KIAA1671: variants seen among roughly 807,000 people sequenced by gnomAD.
KIAA1671 encodes uncharacterized protein KIAA1671.
A neutral mutation model predicts 131.2 loss-of-function variants in KIAA1671; 52 were observed. The observed-to-expected ratio is 0.40, with a 90% CI of 0.32 to 0.50. KIAA1671 has a LOEUF of 0.50. KIAA1671 is among the 20% of genes least tolerant of loss of function. The pLI, the probability that KIAA1671 is intolerant of heterozygous loss-of-function variation, is 0.73. For missense variants in KIAA1671, 2,360 were observed against 2,364.2 expected (o/e 1.00, Z 0.04); for synonymous variants, 1,003 against 961.6 (o/e 1.04, Z -0.80).
intron 6 of KIAA1671, among the ~76,000 whole-genome samples, chr22:25,147,477 G>A (rs1041258459): frequency 3.9e-5 from 6 of 152,154 alleles, no homozygotes; most frequent in African/African-American, 1.4e-4. Context: ...GTAGGTGTGA[G>A]CCACCGCACC....
intron 10 of KIAA1671, among the ~76,000 whole-genome samples, chr22:25,182,604 T>C (rs1934332223): frequency 2.6e-5 from 4 of 152,200 alleles, no homozygotes; most frequent in Admixed American, 2.6e-4. Flanking sequence ...GCTTCTACCA[T>C]TAACAATACT....
At chr22:24,953,471 C>A (rs1378681679) in intron 1 of KIAA1671, among the ~76,000 whole-genome samples, 2 of 152,020 alleles carry the variant, frequency 1.3e-5, no homozygotes, top group East Asian at 1.9e-4. Context: ...GCTCCGGACA[C>A]GTCCTCTCGG....
At chr22:25,153,010 T>C (rs1933100804) in intron 6 of KIAA1671, among the ~76,000 whole-genome samples, 1 of 152,338 alleles carries the variant, frequency 6.6e-6, no homozygotes, top group Middle Eastern at 3.4e-3. Context: ...GTTGTCCTAC[T>C]CACATGTTCA....
Position 25,039,314 on chromosome 22 carries a change from A to T in KIAA1671, c.2184A>T (p.Arg728Ser), listed in dbSNP as rs1372573070. The T allele has an allele frequency of 1.9e-6, 3 of 1,552,020 alleles. No individual in the cohort carries two copies. The African/African-American group carries it at 4.1e-5, about 21-fold the overall frequency. Residue 728 changes from arginine to serine, a missense_variant, in exon 5 of 13, where the codon AGA (arginine) becomes AGT (serine). Physicochemically the swap from Arg to Ser is moderately radical, Grantham distance 110. This residue lies in a region of KIAA1671 where 1,185 missense variants were observed against 1,126.2 expected (regional missense o/e 1.05). Coordinates refer to ENST00000358431, the MANE Select transcript of KIAA1671 (RefSeq NM_001145206.2). ...KHLENPPTSQRIEPRYDIVHA... is the reference protein window; with the variant it reads ...KHLENPPTSQSIEPRYDIVHA... ...TGGAAAATCCTCCCACATCGCAGAGAATTGAGCCCAGATATGACATTGTGC... is the reference window on the plus strand; with the variant it reads ...TGGAAAATCCTCCCACATCGCAGAGTATTGAGCCCAGATATGACATTGTGC...
chr22:25,167,397 T>C (rs1047522054), intron 6 of KIAA1671, among the ~76,000 whole-genome samples: 1 of 152,170 alleles, frequency 6.6e-6, no homozygotes, highest in Non-Finnish European at 1.5e-5. Context: ...GTCATATTAT[T>C]GATTATAGTG....
At chr22:25,136,837 A>G (rs554777587) in intron 6 of KIAA1671, among the ~76,000 whole-genome samples, 1 of 152,326 alleles carries the variant, frequency 6.6e-6, no homozygotes, top group African/African-American at 2.4e-5. Flanking sequence ...TTAAAAACCA[A>G]AGAGAAACTT....
intron 7 of KIAA1671, among the ~76,000 whole-genome samples, chr22:25,173,552 T>C (rs1933920619): frequency 6.6e-6 from 1 of 152,238 alleles, no homozygotes; most frequent in Non-Finnish European, 1.5e-5. Flanking sequence ...TTGATCCTTA[T>C]GCAATATATA....
chr22:24,989,602 G>A (rs1039006854), intron 1 of KIAA1671, among the ~76,000 whole-genome samples: 8 of 152,166 alleles, frequency 5.3e-5, no homozygotes, highest in African/African-American at 1.2e-4. Flanking sequence ...CAGGGCTCAG[G>A]GGGGATGCAC....
chr22:25,128,960 T>C (rs566254128), intron 6 of KIAA1671, among the ~76,000 whole-genome samples: 1 of 152,340 alleles, frequency 6.6e-6, no homozygotes, highest in South Asian at 2.1e-4. Context: ...GCATACCTGA[T>C]GTTGGACGTT....
chr22:24,981,308 C>T (rs1923224519), intron 1 of KIAA1671, among the ~76,000 whole-genome samples: 1 of 152,100 alleles, frequency 6.6e-6, no homozygotes, highest in Admixed American at 6.5e-5. Context: ...ACCCTGGTGC[C>T]CCCAAGGAGA....
intron 6 of KIAA1671, 84 bp downstream of exon 6, chr22:25,049,448 T>G (rs1161516536): frequency 6.8e-7 from 1 of 1,463,100 alleles, no homozygotes; most frequent in Admixed American, 2.1e-5. Context: ...GTGGAGCATC[T>G]GGACAGCCCA....
Position 25,028,379 on chromosome 22 carries a change from G to T in KIAA1671, c.380G>T (p.Ser127Ile). 1 of 1,550,864 alleles carries T rather than the reference G, an allele frequency of 6.4e-7. No homozygotes were observed. The highest frequency in any genetic ancestry group is 8.7e-7 in the Non-Finnish European group (1 of 1,146,900). ...GGCAGTGGGGAGGGCCCGAGGACGAGCTCGCCCCTCTTCAACAAGGCTGTG... is the reference window on the plus strand; with the variant it reads ...GGCAGTGGGGAGGGCCCGAGGACGATCTCGCCCCTCTTCAACAAGGCTGTG... ...EVGSGEGPRTSSPLFNKAVFL... is the reference protein window; with the variant it reads ...EVGSGEGPRTISPLFNKAVFL... The change falls in exon 3 of 13, where the codon AGC (serine) becomes ATC (isoleucine). Residue 127 changes from serine to isoleucine, a missense_variant. Ser to Ile is a moderately radical substitution (Grantham distance 142). Around this residue, in one of 3 missense-constraint regions of KIAA1671, gnomAD observed 1,185 missense variants for 1,126.2 expected, o/e 1.05. Transcript: ENST00000358431.
At chr22:24,966,046 C>A (rs1171914574) in intron 1 of KIAA1671, among the ~76,000 whole-genome samples, 2 of 152,178 alleles carry the variant, frequency 1.3e-5, no homozygotes, top group African/African-American at 2.4e-5. Flanking sequence ...GGTGAAACGC[C>A]TTGCTTCGCA....
rs1359080078 is a variant in KIAA1671 at position 25,029,473 on chromosome 22, G to A, written c.1474G>A (p.Glu492Lys). 4.5e-6 allele frequency: 7 copies of A among 1,551,074 alleles called. No homozygotes were observed. The highest frequency in any genetic ancestry group is 5.2e-6 in the Non-Finnish European group (6 of 1,146,792). Residue 492 changes from glutamate (E) to lysine (K), a missense_variant, in exon 3 of 13, where the codon GAG becomes AAG. Glu to Lys is a moderately conservative substitution (Grantham distance 56). Around this residue, in one of 3 missense-constraint regions of KIAA1671, gnomAD observed 1,185 missense variants for 1,126.2 expected, o/e 1.05. Coordinates refer to ENST00000358431, the MANE Select transcript of KIAA1671 (RefSeq NM_001145206.2). ...CAGAGGCTGGACTGCCGAGAGCTCA[G>A]AGGCTAAGCCCGAGGTCAGGAGGAG... The part of the protein sequence containing the change: ...RIRGWTAESS[E>K]AKPEVRRRTF...
rs972048744 is a variant in KIAA1671, at chr22:25,067,921, C to T, written c.4530+18557C>T. 1.5e-4 allele frequency among the ~76,000 whole-genome samples: 23 copies of T among 152,280 alleles called. 1 individual carries two copies. The highest frequency in any genetic ancestry group is 5.9e-5 in the Non-Finnish European group (4 of 68,050). On this transcript the variant is annotated intron_variant, in intron 6 of 12. Transcript: ENST00000358431. ...TAGCGGGGCCTAACCCCAGACTTGA[C>T]ACTCATCAGCCAGTCAGCCAGGACA...
intron 11 of KIAA1671, chr22:25,186,464 G>A (rs1415896793): frequency 6.6e-6 from 1 of 152,284 alleles, no homozygotes; most frequent in Non-Finnish European, 1.5e-5. Context: ...AAATTAGCTG[G>A]CTGTGGTGGT....
intron 1 of KIAA1671, among the ~76,000 whole-genome samples, chr22:24,985,748 ATG>A (rs59858869): frequency 0.033 from 4,530 of 137,612 alleles, 192 homozygotes; most frequent in African/African-American, 0.1. Flanking sequence ...GTGTGTGTGT[ATG>A]TGTGTGTGTG....
chr22:24,967,965 C>T (rs553374378), intron 1 of KIAA1671, among the ~76,000 whole-genome samples: 5 of 152,070 alleles, frequency 3.3e-5, no homozygotes, highest in Non-Finnish European at 5.9e-5. Context: ...TGCACTCCAG[C>T]CTGGGCGACA....
chr22:25,032,522 A>G (rs1926350689), intron 3 of KIAA1671, 87 bp from the exon 4 acceptor site: 1 of 737,110 alleles, frequency 1.4e-6, no homozygotes, highest in Non-Finnish European at 2.3e-6. Context: ...TCTGAAGGTT[A>G]CTTGGCCTGG....
Sources: gnomAD v4.1 joint callset for allele counts (sites outside exome capture counted in the v4.1 genomes callset) on GRCh38, gnomAD v4.1.1 for gene constraint, gnomAD v4.1.1 regional missense constraint, MANE v1.5 for transcripts, NCBI Gene and HGNC (gene_info 2026-07-23, HGNC 2026-07-21) for gene names.